DENND4A: variants seen among roughly 807,000 people sequenced by gnomAD.
The protein encoded by DENND4A is DENN domain containing 4A.
In DENND4A, 70 loss-of-function variants were observed where a neutral mutation model predicts 199.3. That is an observed-to-expected ratio of 0.35 (90% CI 0.29 to 0.43). The LOEUF is 0.43. DENND4A is among the 20% of genes least tolerant of loss of function. The probability of loss-of-function intolerance (pLI) is 1.00; values close to 1 mark genes in which losing one functional copy is unlikely to be tolerated. For missense variants in DENND4A, 1,723 were observed against 2,255.8 expected (o/e 0.76, Z 4.78); for synonymous variants, 686 against 766.9 (o/e 0.89, Z 1.74).
chr15:65,690,723 A>G lies in DENND4A; in HGVS notation c.3871T>C (p.Cys1291Arg). 6.2e-7 allele frequency: 1 copy of G among 1,613,654 alleles called. No homozygotes were observed. The highest frequency in any genetic ancestry group is 1.1e-5 in the South Asian group (1 of 91,080). Residue 1291 changes from cysteine (C) to arginine (R), a missense_variant, in exon 23 of 33, where the codon TGC (cysteine) becomes CGC (arginine). Around this residue, in one of 6 missense-constraint regions of DENND4A, gnomAD observed 650 missense variants for 738.1 expected, o/e 0.88. Coordinates refer to ENST00000443035, the MANE Select transcript of DENND4A (RefSeq NM_001320835.1). ...TTAGGAGGCAGACTAGATCTTCTGC[A>G]TGCCTTGACCAATGGTGGACTTTTC... ...NKKSPPLVKA[C>R]RRSSLPPNSP...
At position 65,741,905 on chromosome 15, in the gene DENND4A, T is replaced by C. The variant is rs1192651746; in HGVS notation, c.562-121A>G. On this transcript the variant is annotated intron_variant, in intron 4 of 32. Coordinates refer to ENST00000443035, the MANE Select transcript of DENND4A (RefSeq NM_001320835.1). ...TATGTAGTAACAAATTTCCCTCTGC[T>C]AGCTATTTTCAGTTGGCTGTTTTGT... is the stretch of plus-strand genomic sequence containing the variant. 1.7e-5 allele frequency: 11 copies of C among 640,854 alleles called. No individual in the cohort carries two copies. In the Admixed American group the frequency reaches 2.0e-4, roughly 12 times the overall value. 39.7% of individuals were successfully genotyped at this position (640,854 alleles called of 1,614,324 possible).
At position 65,706,139 on chromosome 15, in the gene DENND4A, G is replaced by A. The variant is rs1174901118; in HGVS notation, c.2039C>T (p.Pro680Leu). The change falls in exon 15 of 33, where the codon CCT becomes CTT. Residue 680 changes from proline (P) to leucine (L), a missense_variant. This residue lies in a region of DENND4A where 725 missense variants were observed against 952.9 expected (regional missense o/e 0.76). Coordinates refer to ENST00000443035, the MANE Select transcript of DENND4A (RefSeq NM_001320835.1). ...KSEHTVFVTP[P>L]EIPHLPNGEE... ...ACCATTGGGTAGGTGGGGGATCTCA[G>A]GTGGTGTTACAAAAACAGTGTGTTC... is the stretch of plus-strand genomic sequence containing the variant. 1 of 1,608,138 alleles carries A rather than the reference G, an allele frequency of 6.2e-7. No homozygotes were observed. The highest frequency in any genetic ancestry group is 1.3e-5 in the African/African-American group (1 of 74,750).
chr15:65,721,877 A>G (rs940590539), intron 12 of DENND4A, among the ~76,000 whole-genome samples: 1 of 152,224 alleles, frequency 6.6e-6, no homozygotes, highest in African/African-American at 2.4e-5. Context: ...AGATAAAGAA[A>G]TGAAGGTTTA....
intron 4 of DENND4A, among the ~76,000 whole-genome samples, chr15:65,745,482 A>G (rs2076363132): frequency 1.3e-5 from 2 of 152,218 alleles, no homozygotes; most frequent in Non-Finnish European, 1.5e-5. Context: ...AGCAATGAAC[A>G]TAAGCAACAT....
At position 65,670,036 on chromosome 15, in the gene DENND4A, T is replaced by C; in HGVS notation, c.4617A>G (p.Ile1539Met). The C allele has an allele frequency of 6.3e-7, 1 of 1,592,796 alleles. No individual in the cohort carries two copies. The highest frequency in any genetic ancestry group is 2.2e-5 in the East Asian group (1 of 44,588). The change falls in exon 26 of 33, where the codon ATA becomes ATG. Residue 1539 changes from isoleucine to methionine, a missense_variant. By Grantham distance (10) the Ile-to-Met change is conservative. This residue lies in a region of DENND4A where 141 missense variants were observed against 170.7 expected (regional missense o/e 0.83). Transcript: ENST00000443035. ...ACCTTCCAGGTCGTCTTAAATCTCT[T>C]ATTTCTATATTCAGAAAGGGTAAGA... The part of the protein sequence containing the change: ...NIFLPFLNIE[I>M]RDLRRPGRYF...
intron 23 of DENND4A, among the ~76,000 whole-genome samples, chr15:65,684,274 G>A (rs1271057302): frequency 6.6e-6 from 1 of 152,110 alleles, no homozygotes; most frequent in Non-Finnish European, 1.5e-5. Flanking sequence ...TTAATGCTTA[G>A]CTTTTAAAGA....
chr15:65,707,236 C>A (rs2075093441), intron 14 of DENND4A, among the ~76,000 whole-genome samples: 1 of 151,902 alleles, frequency 6.6e-6, no homozygotes, highest in Non-Finnish European at 1.5e-5. Context: ...AACTGCCCCA[C>A]AAGAGCTCAT....
At chr15:65,744,335 C>G (rs578107293) in intron 4 of DENND4A, among the ~76,000 whole-genome samples, 1 of 152,148 alleles carries the variant, frequency 6.6e-6, no homozygotes, top group Non-Finnish European at 1.5e-5. Flanking sequence ...AAGTTTGAAA[C>G]ATCTATTAGA....
At chr15:65,781,160 A>C (rs1264482092) in intron 1 of DENND4A, among the ~76,000 whole-genome samples, 1 of 152,230 alleles carries the variant, frequency 6.6e-6, no homozygotes, top group African/African-American at 2.4e-5. Flanking sequence ...AACAATCCAG[A>C]AATAGTACGT....
At chr15:65,720,898 A>G (rs1191967314) in intron 12 of DENND4A, among the ~76,000 whole-genome samples, 5 of 140,460 alleles carry the variant, frequency 3.6e-5, no homozygotes, top group Non-Finnish European at 6.2e-5. Flanking sequence ...TGTAGTTTTA[A>G]CCTTTGAGAT....
chr15:65,667,553 G>A lies in DENND4A; in HGVS notation c.5137C>T (p.Pro1713Ser). 6.2e-7 allele frequency: 1 copy of A among 1,613,956 alleles called. No homozygotes were observed. Among genetic ancestry groups the A allele is most frequent in the Non-Finnish European group, 8.5e-7 (1 of 1,179,874 alleles). ...ITVADFVDHHPIVFWNLVWYF... is the reference protein window; with the variant it reads ...ITVADFVDHHSIVFWNLVWYF... ...CATACCAGGTTCCAAAAAACAATTGGATGATGGTCCACAAAGTCTGCTACT... is the reference window on the plus strand; with the variant it reads ...CATACCAGGTTCCAAAAAACAATTGAATGATGGTCCACAAAGTCTGCTACT... Residue 1713 changes from proline to serine, a missense_variant, in exon 29 of 33, where the codon CCA becomes TCA. By Grantham distance (74) the Pro-to-Ser change is moderately conservative. Coordinates refer to ENST00000443035, the MANE Select transcript of DENND4A (RefSeq NM_001320835.1).
intron 5 of DENND4A, among the ~76,000 whole-genome samples, chr15:65,741,276 G>A (rs1034484326): frequency 6.6e-6 from 1 of 151,988 alleles, no homozygotes; most frequent in African/African-American, 2.4e-5. Context: ...ACTATGTTTG[G>A]TATTTTGAGG....
At chr15:65,720,947 T>TTTTATATATA (rs1435137020) in intron 12 of DENND4A, among the ~76,000 whole-genome samples, 10 of 76,256 alleles carry the variant, frequency 1.3e-4, no homozygotes, top group African/African-American at 5.3e-4. Flanking sequence ...GTTTCATTGA[T>TTTTATATATA]TATATATATA....
chr15:65,737,731 C>G lies in DENND4A; in HGVS notation c.1016G>C (p.Gly339Ala). 6 of 1,578,192 alleles carry G rather than the reference C, an allele frequency of 3.8e-6. No individual in the cohort carries two copies. Among genetic ancestry groups the G allele is most frequent in the Non-Finnish European group, 5.2e-6 (6 of 1,161,636 alleles). The change falls in exon 7 of 33, where the codon GGG (glycine) becomes GCG (alanine). Residue 339 changes from glycine to alanine, a missense_variant. Gly to Ala is a moderately conservative substitution (Grantham distance 60). Coordinates refer to ENST00000443035, the MANE Select transcript of DENND4A (RefSeq NM_001320835.1). ...CTTCTCAATTGGAAGGACATGAGGC[C>G]CAGAGATGGAATAACGATACAGAAA... ...LTFLYRYSIS[G>A]PHVLPIEKHI... is the part of the protein sequence containing the mutation.
At chr15:65,788,318 G>A (rs944429100) in intron 1 of DENND4A, among the ~76,000 whole-genome samples, 4 of 152,116 alleles carry the variant, frequency 2.6e-5, no homozygotes, top group South Asian at 2.1e-4. Flanking sequence ...CTTGCGATCC[G>A]CCCACCTCGG....
rs8036725 is a variant in DENND4A at position 65,669,852 on chromosome 15, A to G, written c.4714T>C (p.Ser1572Pro). The change falls in exon 27 of 33, where the codon TCT (serine) becomes CCT (proline). Residue 1572 changes from serine to proline, a missense_variant. By Grantham distance (74) the Ser-to-Pro change is moderately conservative. This residue lies in a region of DENND4A where 141 missense variants were observed against 170.7 expected (regional missense o/e 0.83). Coordinates refer to ENST00000443035, the MANE Select transcript of DENND4A (RefSeq NM_001320835.1). The stretch of plus-strand genomic sequence containing the variant: ...CCAGAGGCTGATGTTGAAATGCAAG[A>G]CTGCCTCGTCTGACTTGAAATGGAG... Reference protein sequence around the residue: ...PSSISSQTRQSCISTSASGLD... With the variant: ...PSSISSQTRQPCISTSASGLD... 9.7e-3 allele frequency: 15,684 copies of G among 1,613,702 alleles called. 1,302 individuals are homozygous for G. The African/African-American group carries it at 0.18, about 19-fold the overall frequency.
Position 65,667,434 on chromosome 15 carries a change from T to G in DENND4A, c.5241+15A>C, listed in dbSNP as rs751172793. ...AACAGAAGCATTCATTGCCTTTTAA[T>G]TTTTAGTCTCATACCTTTGAATACT... On this transcript the variant is annotated intron_variant, in intron 29 of 32. Coordinates refer to ENST00000443035, the MANE Select transcript of DENND4A (RefSeq NM_001320835.1). 2 of 1,610,872 alleles carry G rather than the reference T, an allele frequency of 1.2e-6. No individual in the cohort carries two copies. The highest frequency in any genetic ancestry group is 2.2e-5 in the South Asian group (2 of 90,622).
intron 4 of DENND4A, among the ~76,000 whole-genome samples, chr15:65,742,882 T>C (rs1011774662): frequency 6.6e-6 from 1 of 152,194 alleles, no homozygotes; most frequent in Admixed American, 6.5e-5. Context: ...AGTAGTTAAA[T>C]AAGTTTTACT....
chr15:65,749,291 T>C (rs1319869070), intron 4 of DENND4A, among the ~76,000 whole-genome samples: 1 of 152,142 alleles, frequency 6.6e-6, no homozygotes, highest in Non-Finnish European at 1.5e-5. Flanking sequence ...TAACTACTAA[T>C]TGAAGGTATG....
Sources: allele counts gnomAD v4.1 joint callset (sites outside exome capture counted in the v4.1 genomes callset), GRCh38; gene constraint gnomAD v4.1.1; regional missense constraint gnomAD v4.1.1; transcripts MANE v1.5; gene names NCBI Gene and HGNC (gene_info 2026-07-23, HGNC 2026-07-21).